DLGAP1: variants seen among roughly 807,000 people sequenced by gnomAD.
The protein encoded by DLGAP1 is disks large-associated protein 1.
Under a neutral mutation model 90.8 loss-of-function variants are expected in DLGAP1, and 11 were observed. That is an observed-to-expected ratio of 0.12 (90% CI 0.08 to 0.20). The LOEUF (loss-of-function observed/expected upper bound fraction) is 0.20. Among genes scored for constraint, DLGAP1 ranks in the 10% least tolerant of loss-of-function variants. The pLI is 1.00. For missense variants in DLGAP1, 1,050 were observed against 1,333.8 expected (o/e 0.79, Z 3.31); for synonymous variants, 558 against 540.7 (o/e 1.03, Z -0.44).
At chr18:3,688,614 G>GACACACACAC (rs60415611) in intron 7 of DLGAP1, among the ~76,000 whole-genome samples, 5 of 100,732 alleles carry the variant, frequency 5.0e-5, no homozygotes, top group African/African-American at 2.5e-4. Flanking sequence ...ATTAAAAAAA[G>GACACACACAC]ACACACACAC....
chr18:3,604,456 GCACACACA>G (rs10609683), intron 7 of DLGAP1: 1 of 150,820 alleles, frequency 6.6e-6, no homozygotes, highest in Admixed American at 6.8e-5. Context: ...ACACGCACAC[GCACACACA>G]CACACACATA....
intron 1 of DLGAP1, among the ~76,000 whole-genome samples, chr18:4,349,109 A>C (rs1674554946): frequency 6.6e-6 from 1 of 152,128 alleles, no homozygotes. Context: ...GACAGACTCC[A>C]CCTCAGTCAA....
intron 1 of DLGAP1, among the ~76,000 whole-genome samples, chr18:4,314,621 C>A (rs1263665859): frequency 6.6e-6 from 1 of 152,132 alleles, no homozygotes; most frequent in Non-Finnish European, 1.5e-5. Context: ...CGGTAAGAAC[C>A]AGGCTTGTTG....
At chr18:3,867,401 T>A (rs2070464756) in intron 4 of DLGAP1, among the ~76,000 whole-genome samples, 1 of 151,688 alleles carries the variant, frequency 6.6e-6, no homozygotes, top group African/African-American at 2.4e-5. Flanking sequence ...GGAAAAGAAG[T>A]GAGAGAAGGG....
intron 2 of DLGAP1, among the ~76,000 whole-genome samples, chr18:4,044,729 A>G (rs913648883): frequency 7.2e-5 from 11 of 152,202 alleles, no homozygotes; most frequent in Admixed American, 7.2e-4. Context: ...CAACAGAGCA[A>G]GACTCCCTCA....
chr18:3,815,275 A>T (rs2067046081), intron 4 of DLGAP1, among the ~76,000 whole-genome samples: 2 of 152,134 alleles, frequency 1.3e-5, no homozygotes, highest in African/African-American at 4.8e-5. Flanking sequence ...CCAGTCACTT[A>T]TTCTTTCTGA....
chr18:4,281,964 T>G (rs2145435553), intron 1 of DLGAP1, among the ~76,000 whole-genome samples: 1 of 152,356 alleles, frequency 6.6e-6, no homozygotes, highest in South Asian at 2.1e-4. Flanking sequence ...TGCATTCCAC[T>G]TTGTTACAAG....
chr18:3,659,445 A>ACCCCCCCCC, intron 7 of DLGAP1, among the ~76,000 whole-genome samples: 41 of 105,304 alleles, frequency 3.9e-4, no homozygotes, highest in African/African-American at 1.2e-3. Context: ...GGATGCTACC[A>ACCCCCCCCC]CCCCCCGCCG....
At chr18:3,597,560 G>A (rs2056653221) in intron 7 of DLGAP1, 3 of 274,514 alleles carry the variant, frequency 1.1e-5, no homozygotes, top group Admixed American at 5.4e-5. Flanking sequence ...ACTTCAGCGT[G>A]GATTCATCAG....
intron 1 of DLGAP1, among the ~76,000 whole-genome samples, chr18:4,299,097 A>G (rs555477418): frequency 5.9e-5 from 9 of 151,458 alleles, no homozygotes; most frequent in African/African-American, 1.9e-4. Context: ...AAAAAAAAAA[A>G]AAAAAAAAAA....
chr18:3,572,436 ATTTG>A (rs146464414), intron 8 of DLGAP1, among the ~76,000 whole-genome samples: 108 of 149,632 alleles, frequency 7.2e-4, no homozygotes, highest in South Asian at 8.5e-4. Flanking sequence ...TTATTTATTT[ATTTG>A]TTTGTTTGTT....
intron 7 of DLGAP1, among the ~76,000 whole-genome samples, chr18:3,646,874 A>G (rs150686881): frequency 0.018 from 2,664 of 151,930 alleles, 105 homozygotes; most frequent in East Asian, 0.17. Context: ...GCAGTGAGCC[A>G]AGATCGAACT....
At chr18:3,924,648 T>G (rs941199989) in intron 3 of DLGAP1, among the ~76,000 whole-genome samples, 1 of 152,156 alleles carries the variant, frequency 6.6e-6, no homozygotes, top group African/African-American at 2.4e-5. Context: ...CCCACATTGA[T>G]GGTGATGACA....
chr18:3,811,285 AT>A lies in DLGAP1; in HGVS notation c.1172+2773del, dbSNP rs567365128. 1.8e-3 allele frequency among the ~76,000 whole-genome samples: 274 copies of A among 152,344 alleles called. 3 individuals carry two copies. The highest frequency in any genetic ancestry group is 0.014 in the Admixed American group (219 of 15,314). ...TGATGGTAGCACAGGGAAGGAAGAT[AT>A]GTTTGAATGGTTGTCTAAGGTTCTC... On this transcript the variant is annotated intron_variant, in intron 5 of 12. Coordinates refer to ENST00000315677, the MANE Select transcript of DLGAP1 (RefSeq NM_004746.4).
chr18:3,735,801 G>A (rs1333978233), intron 6 of DLGAP1, among the ~76,000 whole-genome samples: 1 of 152,068 alleles, frequency 6.6e-6, no homozygotes, highest in Non-Finnish European at 1.5e-5. Context: ...ACTATTACTA[G>A]CAATATTATT....
intron 9 of DLGAP1, among the ~76,000 whole-genome samples, chr18:3,540,954 C>T (rs925958720): frequency 6.6e-6 from 1 of 152,176 alleles, no homozygotes; most frequent in Non-Finnish European, 1.5e-5. Flanking sequence ...TGGGCAGGTG[C>T]TAATACCTTT....
rs191220900 is a variant in DLGAP1 at position 3,702,205 on chromosome 18, C to T, written c.1591+26930G>A. Among the ~76,000 whole-genome samples the T allele has an allele frequency of 2.6e-3, 389 of 152,244 alleles. 1 individual carries two copies. Among genetic ancestry groups the T allele is most frequent in the Non-Finnish European group, 4.0e-3 (275 of 68,018 alleles). On this transcript the variant is annotated intron_variant, in intron 7 of 12. Coordinates refer to ENST00000315677, the MANE Select transcript of DLGAP1 (RefSeq NM_004746.4). ...TAGCTGGGATTACAGGCGTCTGCCA[C>T]CACGCCCGGCATGAAGTTTCACCAT...
intron 1 of DLGAP1, among the ~76,000 whole-genome samples, chr18:4,428,141 A>G (rs1238535050): frequency 6.6e-6 from 1 of 152,092 alleles, no homozygotes; most frequent in Non-Finnish European, 1.5e-5. Context: ...CTCAAATCTC[A>G]TGTCAAATTG....
chr18:4,442,056 A>T (rs1028381522), intron 1 of DLGAP1, among the ~76,000 whole-genome samples: 2 of 152,192 alleles, frequency 1.3e-5, no homozygotes, highest in East Asian at 3.8e-4. Flanking sequence ...CAGTGGCGCG[A>T]TCTCAGCTCA....
Sources: gnomAD v4.1 joint callset for allele counts (sites outside exome capture counted in the v4.1 genomes callset) on GRCh38, gnomAD v4.1.1 for gene constraint, MANE v1.5 for transcripts, NCBI Gene and HGNC (gene_info 2026-07-23, HGNC 2026-07-21) for gene names.